The following PDE4D variants were observed in gnomAD, a reference collection of about 807,000 sequenced individuals.
The protein encoded by PDE4D is phosphodiesterase 4D, also known as 3',5'-cyclic-AMP phosphodiesterase 4D.
In PDE4D, 24 loss-of-function variants were observed where a neutral mutation model predicts 87.4. The observed-to-expected ratio is 0.27, with a 90% CI of 0.20 to 0.39. The LOEUF (loss-of-function observed/expected upper bound fraction) is 0.39. Among genes scored for constraint, PDE4D ranks in the 10% least tolerant of loss-of-function variants. The probability of loss-of-function intolerance (pLI) is 1.00; values close to 1 mark genes in which losing one functional copy is unlikely to be tolerated. For synonymous variants in PDE4D, 384 were observed against 383.2 expected, an observed-to-expected ratio of 1.00 and a Z score of -0.02; for missense variants, 714 against 1,041.0, an observed-to-expected ratio of 0.69 and a Z score of 4.32.
chr5:60,208,254 G>A (rs1742780154), intron 1 of PDE4D, among the ~76,000 whole-genome samples: 1 of 152,132 alleles, frequency 6.6e-6, no homozygotes, highest in Admixed American at 6.6e-5. Context: ...TGCAATTTTA[G>A]ATAGCATGCC....
At chr5:59,357,855 T>C (rs1417793071) in intron 1 of PDE4D, among the ~76,000 whole-genome samples, 3 of 152,156 alleles carry the variant, frequency 2.0e-5, no homozygotes, top group Non-Finnish European at 4.4e-5. Context: ...CATAATTTCA[T>C]CAGTCTGTAT....
chr5:59,078,566 TGGCATGA>T, intron 5 of PDE4D, among the ~76,000 whole-genome samples: 1 of 151,560 alleles, frequency 6.6e-6, no homozygotes, highest in East Asian at 1.9e-4. Context: ...TAGAGTGCAG[TGGCATGA>T]TCATAGCTCA....
intron 3 of PDE4D, among the ~76,000 whole-genome samples, chr5:59,903,456 A>C (rs901439961): frequency 6.6e-6 from 1 of 152,308 alleles, no homozygotes; most frequent in African/African-American, 2.4e-5. Flanking sequence ...TCTAATGTTT[A>C]GCTGCTCTAA....
At chr5:60,469,574 T>A (rs532275426) in intron 1 of PDE4D, among the ~76,000 whole-genome samples, 1 of 152,238 alleles carries the variant, frequency 6.6e-6, no homozygotes, top group Non-Finnish European at 1.5e-5. Flanking sequence ...GCAACCCTGG[T>A]TGAGCAAGTC....
At chr5:59,437,557 G>C (rs778870469) in intron 1 of PDE4D, among the ~76,000 whole-genome samples, 1 of 152,260 alleles carries the variant, frequency 6.6e-6, no homozygotes, top group South Asian at 2.1e-4. Context: ...AAGAGGAGGG[G>C]TCTTTGGCAA....
At chr5:60,140,509 AAAAG>A (rs1780431305) in intron 2 of PDE4D, among the ~76,000 whole-genome samples, 1 of 151,370 alleles carries the variant, frequency 6.6e-6, no homozygotes, top group Non-Finnish European at 1.5e-5. Context: ...ACAAACATTT[AAAAG>A]AAAGAAAGAG....
At chr5:59,729,056 T>C (rs1401277932) in intron 1 of PDE4D, among the ~76,000 whole-genome samples, 1 of 152,098 alleles carries the variant, frequency 6.6e-6, no homozygotes, top group Non-Finnish European at 1.5e-5. Context: ...AATGTCATGG[T>C]TTATAACCTT....
intron 5 of PDE4D, among the ~76,000 whole-genome samples, chr5:59,141,228 T>A (rs146110956): frequency 1.5e-4 from 23 of 152,218 alleles, no homozygotes; most frequent in African/African-American, 4.8e-4. Context: ...TTCAGAGTAA[T>A]GTATACCACT....
At chr5:59,201,568 A>C (rs1053042976) in intron 2 of PDE4D, among the ~76,000 whole-genome samples, 1 of 152,198 alleles carries the variant, frequency 6.6e-6, no homozygotes, top group Admixed American at 6.5e-5. Context: ...AACAATACCA[A>C]AAATACATAA....
chr5:59,570,707 A>G lies in PDE4D; in HGVS notation c.455+322461T>C, dbSNP rs533166841. 2.6e-5 allele frequency among the ~76,000 whole-genome samples: 4 copies of G among 152,320 alleles called. No individual in the cohort carries two copies. In the East Asian group the frequency reaches 5.8e-4, roughly 22 times the overall value. On this transcript the variant is annotated intron_variant, in intron 1 of 14. Coordinates refer to ENST00000340635, the MANE Select transcript of PDE4D (RefSeq NM_001104631.2). ...AATAATGAATGCTAGCCAAATTTCT[A>G]TCCGAACTAAGCTAACTCAATGATA... is the stretch of plus-strand genomic sequence containing the variant.
chr5:60,402,218 T>C (rs1187304656), intron 1 of PDE4D, among the ~76,000 whole-genome samples: 1 of 152,180 alleles, frequency 6.6e-6, no homozygotes. Context: ...CATTGAACTA[T>C]AACAGCAAGT....
chr5:59,238,967 T>C (rs191862681), intron 1 of PDE4D, among the ~76,000 whole-genome samples: 44 of 152,320 alleles, frequency 2.9e-4, no homozygotes, highest in African/African-American at 1.1e-3. Context: ...AGAAAGGTTT[T>C]CTTTGGAATG....
Position 60,232,034 on chromosome 5 carries a change from G to C in PDE4D, c.-89-46347C>G, listed in dbSNP as rs754733152. 5.3e-5 allele frequency among the ~76,000 whole-genome samples: 8 copies of C among 151,616 alleles called. No homozygotes were observed. In the South Asian group the frequency reaches 6.2e-4, roughly 12 times the overall value. The stretch of plus-strand genomic sequence containing the variant: ...ATCATTCTCATTAGCCTTGTTCAAG[G>C]CTTTTTATTTTCACAGATAAGATCT... On this transcript the variant is annotated intron_variant, in intron 1 of 16. Transcript: ENST00000502484.
chr5:59,946,118 T>G (rs1477979424), intron 3 of PDE4D, among the ~76,000 whole-genome samples: 1 of 152,204 alleles, frequency 6.6e-6, no homozygotes, highest in East Asian at 1.9e-4. Context: ...CCTTCCATAC[T>G]GTAGATGGTC....
At chr5:59,972,519 C>A (rs1049447950) in intron 3 of PDE4D, among the ~76,000 whole-genome samples, 1 of 152,204 alleles carries the variant, frequency 6.6e-6, no homozygotes, top group African/African-American at 2.4e-5. Flanking sequence ...AAAACTGAAA[C>A]CAAAATACTT....
chr5:60,495,259 A>G (rs1749749997), intron 1 of PDE4D, among the ~76,000 whole-genome samples: 1 of 152,190 alleles, frequency 6.6e-6, no homozygotes, highest in African/African-American at 2.4e-5. Flanking sequence ...TTACACACAG[A>G]AATCAGAGGA....
chr5:59,748,706 C>A (rs567088193), intron 1 of PDE4D, among the ~76,000 whole-genome samples: 70 of 151,956 alleles, frequency 4.6e-4, no homozygotes, highest in Non-Finnish European at 8.8e-4. Flanking sequence ...ATGTAAATGA[C>A]GAGTTAATAA....
intron 1 of PDE4D, among the ~76,000 whole-genome samples, chr5:59,859,629 T>G (rs1312198911): frequency 6.6e-6 from 1 of 152,208 alleles, no homozygotes; most frequent in African/African-American, 2.4e-5. Context: ...TTTCACCAAA[T>G]TTCCTAAAAA....
intron 1 of PDE4D, among the ~76,000 whole-genome samples, chr5:59,885,746 A>G (rs1368293979): frequency 2.0e-5 from 3 of 151,488 alleles, no homozygotes; most frequent in African/African-American, 7.3e-5. Flanking sequence ...TTCATAAGTT[A>G]GATCAAAACT....
Sources: gnomAD v4.1 joint callset for allele counts (sites outside exome capture counted in the v4.1 genomes callset) on GRCh38, gnomAD v4.1.1 for gene constraint, MANE v1.5 for transcripts, NCBI Gene and HGNC (gene_info 2026-07-23, HGNC 2026-07-21) for gene names.